The following BACH2 variants were observed in gnomAD, a reference collection of about 807,000 sequenced individuals.
BACH2 encodes the protein transcription regulator protein BACH2.
BACH2 carries 5 observed loss-of-function variants against 61.8 expected under a neutral mutation model. The ratio of observed to expected loss-of-function variants is 0.08; its 90% CI spans 0.04 to 0.17. The LOEUF (loss-of-function observed/expected upper bound fraction) is 0.17. Ranked by LOEUF, BACH2 falls within the 10% of genes least tolerant of loss-of-function variation. The pLI is 1.00. For synonymous variants in BACH2, 446 were observed against 440.1 expected, an observed-to-expected ratio of 1.01 and a Z score of -0.17; for missense variants, 824 against 1,091.1, an observed-to-expected ratio of 0.76 and a Z score of 3.45.
intron 5 of BACH2, among the ~76,000 whole-genome samples, chr6:90,064,009 G>C (rs1490563336): frequency 6.6e-6 from 1 of 152,082 alleles, no homozygotes; most frequent in Non-Finnish European, 1.5e-5. Context: ...AATGGCAAAA[G>C]TGCTATGCAA....
At chr6:90,009,777 G>A (rs914766480) in intron 5 of BACH2, among the ~76,000 whole-genome samples, 3 of 152,152 alleles carry the variant, frequency 2.0e-5, no homozygotes. Flanking sequence ...TGATTCTCCT[G>A]CCTCCGCTTC....
intron 5 of BACH2, among the ~76,000 whole-genome samples, chr6:90,027,525 G>A (rs1263827775): frequency 6.6e-6 from 1 of 152,086 alleles, no homozygotes. Flanking sequence ...TACTGCCATG[G>A]GGGCAGACAA....
At chr6:89,990,383 C>G (rs1776477275) in intron 6 of BACH2, among the ~76,000 whole-genome samples, 1 of 152,172 alleles carries the variant, frequency 6.6e-6, no homozygotes, top group African/African-American at 2.4e-5. Flanking sequence ...GAACTTTAAG[C>G]TTTTGCCTTT....
chr6:90,220,651 A>G (rs1271593960), intron 3 of BACH2, among the ~76,000 whole-genome samples: 49 of 152,228 alleles, frequency 3.2e-4, no homozygotes, highest in Non-Finnish European at 7.3e-5. Flanking sequence ...AGAGAGTGAC[A>G]GAAAAGGAAA....
chr6:90,003,604 T>A (rs1366487445), intron 6 of BACH2, among the ~76,000 whole-genome samples: 1 of 152,126 alleles, frequency 6.6e-6, no homozygotes, highest in East Asian at 1.9e-4. Flanking sequence ...TGACAAATAT[T>A]TGTTGAATGA....
At chr6:90,243,621 T>C (rs1770530597) in intron 3 of BACH2, among the ~76,000 whole-genome samples, 1 of 152,200 alleles carries the variant, frequency 6.6e-6, no homozygotes, top group Admixed American at 6.5e-5. Context: ...CTCCCTAATA[T>C]TACAGAGTAA....
chr6:89,959,866 A>C (rs1774642615), intron 6 of BACH2, among the ~76,000 whole-genome samples: 1 of 152,122 alleles, frequency 6.6e-6, no homozygotes, highest in Non-Finnish European at 1.5e-5. Flanking sequence ...TTAACTTATT[A>C]TCGGACCTGC....
At chr6:89,994,981 G>A (rs922087256) in intron 6 of BACH2, among the ~76,000 whole-genome samples, 11 of 152,174 alleles carry the variant, frequency 7.2e-5, no homozygotes, top group African/African-American at 9.6e-5. Flanking sequence ...TGGGCATATC[G>A]TTCCTCCAAC....
intron 6 of BACH2, among the ~76,000 whole-genome samples, chr6:89,965,982 T>A (rs1323341447): frequency 6.6e-6 from 1 of 152,170 alleles, no homozygotes; most frequent in Non-Finnish European, 1.5e-5. Context: ...TGTAGGTAGT[T>A]AATATACTTG....
chr6:90,198,303 C>T (rs1768834082), intron 4 of BACH2, among the ~76,000 whole-genome samples: 1 of 152,142 alleles, frequency 6.6e-6, no homozygotes, highest in South Asian at 2.1e-4. Context: ...GTTGAAATGC[C>T]CCCATGATTC....
chr6:90,244,230 G>A (rs567331461), intron 3 of BACH2, among the ~76,000 whole-genome samples: 2 of 152,058 alleles, frequency 1.3e-5, no homozygotes, highest in African/African-American at 4.8e-5. Flanking sequence ...TTATTTATAG[G>A]ACATTTAAAA....
intron 4 of BACH2, among the ~76,000 whole-genome samples, chr6:90,155,500 C>T (rs1253603618): frequency 1.3e-5 from 2 of 152,188 alleles, no homozygotes; most frequent in Admixed American, 6.5e-5. Flanking sequence ...AATCAGGTTT[C>T]GCCTTTAGCT....
chr6:90,213,894 A>G (rs549047320), intron 3 of BACH2, among the ~76,000 whole-genome samples: 5 of 152,260 alleles, frequency 3.3e-5, no homozygotes, highest in African/African-American at 1.2e-4. Context: ...GTCAATATTC[A>G]TATCTACTTC....
At chr6:90,275,264 A>T (rs949159400) in intron 1 of BACH2, among the ~76,000 whole-genome samples, 3 of 152,234 alleles carry the variant, frequency 2.0e-5, no homozygotes, top group African/African-American at 7.2e-5. Context: ...CATTTAAAGC[A>T]GTTAAATTAA....
chr6:90,029,290 A>T (rs536824202), intron 5 of BACH2, among the ~76,000 whole-genome samples: 1 of 152,258 alleles, frequency 6.6e-6, no homozygotes, highest in Admixed American at 6.5e-5. Flanking sequence ...GACTTGGGCA[A>T]TTTATTTAAG....
chr6:90,213,530 G>A (rs924271523), intron 3 of BACH2, among the ~76,000 whole-genome samples: 10 of 152,246 alleles, frequency 6.6e-5, no homozygotes, highest in African/African-American at 2.4e-4. Context: ...AGAAGAGTAG[G>A]CAAAGAGAGA....
At chr6:90,129,403 T>C (rs1353434070) in intron 4 of BACH2, among the ~76,000 whole-genome samples, 2 of 152,164 alleles carry the variant, frequency 1.3e-5, no homozygotes, top group African/African-American at 4.8e-5. Context: ...ACACGTGCCA[T>C]GGCGGTTTGC....
At chr6:90,161,693 G>C (rs1034609913) in intron 4 of BACH2, among the ~76,000 whole-genome samples, 12 of 151,752 alleles carry the variant, frequency 7.9e-5, no homozygotes, top group Admixed American at 5.9e-4. Flanking sequence ...TTATTCTGGG[G>C]AAAAAAAATA....
At chr6:90,082,781 G>C (rs1048713807) in intron 5 of BACH2, among the ~76,000 whole-genome samples, 2 of 152,136 alleles carry the variant, frequency 1.3e-5, no homozygotes, top group African/African-American at 4.8e-5. Flanking sequence ...ATTATTTTCT[G>C]ATTGTGGTTC....
Sources: gnomAD v4.1 joint callset for allele counts (sites outside exome capture counted in the v4.1 genomes callset) on GRCh38, gnomAD v4.1.1 for gene constraint, MANE v1.5 for transcripts, NCBI Gene and HGNC (gene_info 2026-07-23, HGNC 2026-07-21) for gene names.